The following CNTN4 variants were observed in gnomAD, a reference collection of about 807,000 sequenced individuals.
CNTN4 encodes the protein contactin-4.
CNTN4 carries 77 observed loss-of-function variants against 122.5 expected under a neutral mutation model. That is an observed-to-expected ratio of 0.63 (90% CI 0.52 to 0.76). CNTN4 has a LOEUF of 0.76. Ranked by LOEUF, CNTN4 falls within the 30% of genes least tolerant of loss-of-function variation. The pLI is 0.00. For missense variants in CNTN4, 1,256 were observed against 1,259.1 expected, an observed-to-expected ratio of 1.00 and a Z score of 0.04; for synonymous variants, 512 against 447.0, an observed-to-expected ratio of 1.15 and a Z score of -1.83.
chr3:2,976,610 A>C (rs1693438671), intron 13 of CNTN4, among the ~76,000 whole-genome samples: 1 of 152,114 alleles, frequency 6.6e-6, no homozygotes, highest in Non-Finnish European at 1.5e-5. Context: ...TTGTTATCCA[A>C]AATACCTTTT....
At chr3:2,822,087 A>G (rs1416524539) in intron 7 of CNTN4, among the ~76,000 whole-genome samples, 3 of 152,208 alleles carry the variant, frequency 2.0e-5, no homozygotes, top group African/African-American at 7.2e-5. Context: ...GATCAGGGAC[A>G]AGGAATTGTT....
Position 2,215,093 on chromosome 3 carries a change from C to T in CNTN4, c.-145+114454C>T, listed in dbSNP as rs1030787779. On this transcript the variant is annotated intron_variant, in intron 2 of 24. Coordinates refer to ENST00000418658, the MANE Select transcript of CNTN4 (RefSeq NM_175607.3). ...ACAGATACAAACATATCCTTTCTCA[C>T]CTCTATCTCTTCTTTTCTGCCTCTT... Among the ~76,000 whole-genome samples, 9 of 152,118 alleles carry T rather than the reference C, an allele frequency of 5.9e-5. No individual in the cohort carries two copies. In the South Asian group the frequency reaches 1.0e-3, roughly 18 times the overall value.
At chr3:2,106,863 T>G (rs575837521) in intron 2 of CNTN4, among the ~76,000 whole-genome samples, 5 of 152,330 alleles carry the variant, frequency 3.3e-5, no homozygotes, top group Non-Finnish European at 7.4e-5. Context: ...ACATAATTTC[T>G]AATTTCAGAT....
At chr3:2,926,956 A>T (rs9990246) in intron 13 of CNTN4, among the ~76,000 whole-genome samples, 106,352 of 152,030 alleles carry the variant, frequency 0.7, 37,587 homozygotes, top group Middle Eastern at 0.79. Flanking sequence ...TTTTGCAGTC[A>T]TCAACATGAG....
chr3:2,973,009 C>T (rs1693080874), intron 13 of CNTN4, among the ~76,000 whole-genome samples: 1 of 151,874 alleles, frequency 6.6e-6, no homozygotes, highest in Non-Finnish European at 1.5e-5. Flanking sequence ...AGGAGAGGAC[C>T]CATGTATCAA....
intron 13 of CNTN4, among the ~76,000 whole-genome samples, chr3:2,967,980 C>G (rs530964452): frequency 2.0e-5 from 3 of 151,902 alleles, no homozygotes; most frequent in African/African-American, 7.3e-5. Context: ...GTCTATGAAC[C>G]ATGACCATTT....
At chr3:2,410,644 T>C (rs1405181126) in intron 3 of CNTN4, among the ~76,000 whole-genome samples, 2 of 152,182 alleles carry the variant, frequency 1.3e-5, no homozygotes, top group African/African-American at 2.4e-5. Context: ...AAGCCACAGG[T>C]AGGTTACTAG....
chr3:2,232,555 A>G (rs2039526769), intron 2 of CNTN4, among the ~76,000 whole-genome samples: 1 of 152,150 alleles, frequency 6.6e-6, no homozygotes, highest in Non-Finnish European at 1.5e-5. Context: ...CAGGCTGTCT[A>G]AAAACTATAT....
chr3:2,348,707 C>G (rs1395868929), intron 3 of CNTN4, among the ~76,000 whole-genome samples: 1 of 152,168 alleles, frequency 6.6e-6, no homozygotes, highest in Non-Finnish European at 1.5e-5. Flanking sequence ...CTGGAAGTTT[C>G]TAACATCAGC....
rs563095772 is a variant in CNTN4, at chr3:2,710,438, C to G, written c.56-25777C>G. On this transcript the variant is annotated intron_variant, in intron 4 of 24. Transcript: ENST00000418658. ...CAGCTGCACCCAGAATTTCTTGTTTCCATAACTAGTGCAATTTCCTTTTCC... is the reference window on the plus strand; with the variant it reads ...CAGCTGCACCCAGAATTTCTTGTTTGCATAACTAGTGCAATTTCCTTTTCC... 3.9e-5 allele frequency among the ~76,000 whole-genome samples: 6 copies of G among 152,230 alleles called. No homozygotes were observed. The South Asian group carries it at 1.2e-3, about 32-fold the overall frequency.
intron 2 of CNTN4, among the ~76,000 whole-genome samples, chr3:2,107,934 C>A (rs1283745125): frequency 6.6e-6 from 1 of 152,084 alleles, no homozygotes; most frequent in East Asian, 1.9e-4. Context: ...AAATTATAAA[C>A]CCGAAGCTGT....
intron 3 of CNTN4, among the ~76,000 whole-genome samples, chr3:2,570,309 G>A (rs2079365870): frequency 6.6e-6 from 1 of 151,878 alleles, no homozygotes; most frequent in Admixed American, 6.6e-5. Context: ...GAGTAGCAGG[G>A]ACTATAGGCG....
chr3:2,299,622 A>C (rs1199775966), intron 2 of CNTN4, among the ~76,000 whole-genome samples: 2 of 152,030 alleles, frequency 1.3e-5, no homozygotes, highest in Non-Finnish European at 2.9e-5. Context: ...TGTTTATTTT[A>C]GGGTTAACAT....
intron 6 of CNTN4, among the ~76,000 whole-genome samples, chr3:2,801,386 C>T (rs1263298886): frequency 1.3e-5 from 2 of 152,142 alleles, no homozygotes; most frequent in Admixed American, 1.3e-4. Flanking sequence ...TGAAACATTG[C>T]ATCAATTAAA....
chr3:2,356,863 C>G (rs767587413), intron 3 of CNTN4, among the ~76,000 whole-genome samples: 24 of 152,160 alleles, frequency 1.6e-4, no homozygotes, highest in Non-Finnish European at 2.4e-4. Flanking sequence ...TGGCTTTGGC[C>G]TTCTTTGGAA....
At chr3:2,525,620 C>T (rs1369976874) in intron 3 of CNTN4, among the ~76,000 whole-genome samples, 2 of 152,118 alleles carry the variant, frequency 1.3e-5, no homozygotes, top group Non-Finnish European at 2.9e-5. Flanking sequence ...TCTGCAGAAT[C>T]TTGTCACTAC....
intron 3 of CNTN4, among the ~76,000 whole-genome samples, chr3:2,510,385 G>T (rs571900326): frequency 1.6e-4 from 23 of 142,560 alleles, no homozygotes; most frequent in African/African-American, 5.5e-4. Context: ...GTTTTTTTTT[G>T]TTGTTTATTT....
At chr3:2,332,429 A>G (rs953329782) in intron 2 of CNTN4, among the ~76,000 whole-genome samples, 1 of 152,058 alleles carries the variant, frequency 6.6e-6, no homozygotes, top group African/African-American at 2.4e-5. Flanking sequence ...TAATTTCCCC[A>G]GTAACTCTGA....
At chr3:2,649,255 G>A (rs1348857914) in intron 4 of CNTN4, among the ~76,000 whole-genome samples, 1 of 152,194 alleles carries the variant, frequency 6.6e-6, no homozygotes, top group Non-Finnish European at 1.5e-5. Flanking sequence ...TAGATAAACA[G>A]CCTTATGTTG....
Sources: allele counts gnomAD v4.1 joint callset (sites outside exome capture counted in the v4.1 genomes callset), GRCh38; gene constraint gnomAD v4.1.1; transcripts MANE v1.5; gene names NCBI Gene and HGNC (gene_info 2026-07-23, HGNC 2026-07-21).